The following ADK variants were observed in gnomAD, a reference collection of about 807,000 sequenced individuals.
ADK encodes adenosine kinase, also known as N6,N6-dimethyladenosine kinase.
ADK carries 24 observed loss-of-function variants against 44.7 expected under a neutral mutation model. The ratio of observed to expected loss-of-function variants is 0.54; its 90% confidence interval spans 0.39 to 0.76. The LOEUF (loss-of-function observed/expected upper bound fraction) is 0.76. Ranked by LOEUF, ADK falls within the 30% of genes least tolerant of loss-of-function variation. ADK has a pLI of 0.00. For synonymous variants in ADK, 128 were observed against 142.6 expected (o/e 0.90, Z 0.73); for missense variants, 321 against 425.1 (o/e 0.76, Z 2.15).
At chr10:74,695,617 G>A (rs1856160873) in intron 10 of ADK, among the ~76,000 whole-genome samples, 1 of 17,948 alleles carries the variant, frequency 5.6e-5, no homozygotes, top group African/African-American at 1.8e-4. Context: ...GTGTATGTGT[G>A]GGGTGTGTGT....
intron 7 of ADK, among the ~76,000 whole-genome samples, chr10:74,536,174 T>A (rs933460904): frequency 6.6e-6 from 1 of 152,190 alleles, no homozygotes; most frequent in Non-Finnish European, 1.5e-5. Context: ...ATAAAGTTCC[T>A]CTTTTAACAT....
At chr10:74,229,966 G>A (rs1844691322) in intron 3 of ADK, among the ~76,000 whole-genome samples, 1 of 152,018 alleles carries the variant, frequency 6.6e-6, no homozygotes, top group Non-Finnish European at 1.5e-5. Context: ...TTGAGACCAG[G>A]AGGTCCAGGC....
intron 6 of ADK, among the ~76,000 whole-genome samples, chr10:74,425,841 A>G (rs1323298573): frequency 1.3e-5 from 2 of 152,134 alleles, no homozygotes; most frequent in African/African-American, 2.4e-5. Context: ...TTTTCTTTTT[A>G]TTTTAACCCA....
intron 6 of ADK, among the ~76,000 whole-genome samples, chr10:74,416,606 C>T (rs1844384323): frequency 6.7e-6 from 1 of 149,758 alleles, no homozygotes; most frequent in African/African-American, 2.4e-5. Context: ...TCCATGGATG[C>T]TTTTCTCTAT....
Position 74,541,800 on chromosome 10 carries a change from C to CCG in ADK, c.726+16375_726+16376insGC, listed in dbSNP as rs374181519. ...AGAACGAGAACCCCCACACACCCCC[C>CCG]CCCCCTAAAAAAAAACAACACAACA... On this transcript the variant is annotated intron_variant, in intron 7 of 10. Transcript: ENST00000539909. Among the ~76,000 whole-genome samples the CCG allele has an allele frequency of 4.5e-3, 609 of 134,690 alleles. 39 individuals carry two copies. The highest frequency in any genetic ancestry group is 0.015 in the African/African-American group (545 of 36,380). 88.4% of individuals were successfully genotyped at this position (134,690 alleles called of 152,430 possible).
chr10:74,160,777 G>A (rs1403036300), intron 1 of ADK, among the ~76,000 whole-genome samples: 1 of 77,144 alleles, frequency 1.3e-5, no homozygotes, highest in Admixed American at 1.3e-4. Context: ...GGCATTGTTC[G>A]TATATGGGGG....
intron 6 of ADK, among the ~76,000 whole-genome samples, chr10:74,520,456 G>A (rs1224628871): frequency 6.6e-6 from 1 of 151,468 alleles, no homozygotes; most frequent in Non-Finnish European, 1.5e-5. Flanking sequence ...ACATAGTTGT[G>A]TATGCACACA....
intron 1 of ADK, among the ~76,000 whole-genome samples, chr10:74,172,418 C>T (rs745436930): frequency 2.6e-5 from 4 of 151,964 alleles, no homozygotes; most frequent in Non-Finnish European, 4.4e-5. Context: ...TGGCTGGGCG[C>T]GGTGGCTCAC....
chr10:74,210,523 G>C (rs2132189340), intron 2 of ADK, among the ~76,000 whole-genome samples: 1 of 151,986 alleles, frequency 6.6e-6, no homozygotes, highest in South Asian at 2.1e-4. Context: ...GGCTGTGGTG[G>C]TGCTTGCCTG....
chr10:74,421,096 C>A (rs943558876), intron 6 of ADK, among the ~76,000 whole-genome samples: 5 of 152,110 alleles, frequency 3.3e-5, no homozygotes, highest in African/African-American at 1.2e-4. Flanking sequence ...ACAAATGAAT[C>A]TAATTGTATT....
At chr10:74,181,138 A>G (rs1290489910) in intron 1 of ADK, among the ~76,000 whole-genome samples, 1 of 152,190 alleles carries the variant, frequency 6.6e-6, no homozygotes, top group Non-Finnish European at 1.5e-5. Context: ...TCAAGTTCAC[A>G]CAGTTACATA....
chr10:74,294,321 T>A (rs1839735057), intron 3 of ADK, among the ~76,000 whole-genome samples: 1 of 152,062 alleles, frequency 6.6e-6, no homozygotes, highest in Non-Finnish European at 1.5e-5. Flanking sequence ...AGTCTTGCTC[T>A]TGTTGCCCAG....
At chr10:74,360,816 A>G (rs10762603) in intron 4 of ADK, among the ~76,000 whole-genome samples, 98,029 of 151,972 alleles carry the variant, frequency 0.65, 32,925 homozygotes, top group Middle Eastern at 0.79. Flanking sequence ...CTTCACTTTC[A>G]GCATCTATGT....
At chr10:74,454,852 T>C (rs1845888103) in intron 6 of ADK, among the ~76,000 whole-genome samples, 1 of 152,216 alleles carries the variant, frequency 6.6e-6, no homozygotes, top group Admixed American at 6.5e-5. Flanking sequence ...TTCCCCTCTG[T>C]CTCTTTGTCT....
intron 8 of ADK, among the ~76,000 whole-genome samples, chr10:74,599,849 T>C (rs1852054907): frequency 6.6e-6 from 1 of 152,164 alleles, no homozygotes; most frequent in Non-Finnish European, 1.5e-5. Flanking sequence ...CTTTGAAAAA[T>C]TGACATTATA....
At chr10:74,632,552 T>G (rs1232041667) in intron 9 of ADK, among the ~76,000 whole-genome samples, 1 of 152,202 alleles carries the variant, frequency 6.6e-6, no homozygotes, top group Non-Finnish European at 1.5e-5. Context: ...GCTATATCAC[T>G]TCAGTATTTG....
chr10:74,499,265 A>G (rs1847805004), intron 6 of ADK, among the ~76,000 whole-genome samples: 1 of 152,218 alleles, frequency 6.6e-6, no homozygotes, highest in African/African-American at 2.4e-5. Flanking sequence ...TCATTGAGGA[A>G]TACCACAATA....
intron 3 of ADK, among the ~76,000 whole-genome samples, chr10:74,295,318 C>T (rs973605006): frequency 1.3e-5 from 2 of 148,866 alleles, no homozygotes; most frequent in African/African-American, 5.0e-5. Context: ...AAAAATTAGC[C>T]GGGCATGGTG....
chr10:74,526,796 C>T (rs988313729), intron 7 of ADK, among the ~76,000 whole-genome samples: 1 of 152,164 alleles, frequency 6.6e-6, no homozygotes, highest in African/African-American at 2.4e-5. Context: ...CATATAACTG[C>T]TAGAAGCCTA....
Sources: allele counts gnomAD v4.1 joint callset (sites outside exome capture counted in the v4.1 genomes callset), GRCh38; gene constraint gnomAD v4.1.1; transcripts MANE v1.5; gene names NCBI Gene and HGNC (gene_info 2026-07-23, HGNC 2026-07-21).